The following B3GALT1 variants were observed in gnomAD, a reference collection of about 807,000 sequenced individuals.
B3GALT1 encodes the protein UDP-Gal:betaGlcNAc beta 1,3-galactosyltransferase, polypeptide 1.
B3GALT1 carries 10 observed loss-of-function variants against 23.2 expected under a neutral mutation model. That is an observed-to-expected ratio of 0.43 (90% confidence interval 0.27 to 0.73). B3GALT1 has a LOEUF of 0.73. Ranked by LOEUF, B3GALT1 falls within the 30% of genes least tolerant of loss-of-function variation. The probability of loss-of-function intolerance (pLI) is 0.21; values close to 1 mark genes in which losing one functional copy is unlikely to be tolerated. For synonymous variants in B3GALT1, 156 were observed against 141.5 expected, an observed-to-expected ratio of 1.10 and a Z score of -0.73; for missense variants, 299 against 405.4, an observed-to-expected ratio of 0.74 and a Z score of 2.25.
At chr2:167,598,328 T>G (rs1684816254) in intron 2 of B3GALT1, among the ~76,000 whole-genome samples, 1 of 152,112 alleles carries the variant, frequency 6.6e-6, no homozygotes, top group South Asian at 2.1e-4. Flanking sequence ...TATATATACA[T>G]ATTGCATAAT....
intron 1 of B3GALT1, among the ~76,000 whole-genome samples, chr2:167,355,728 G>GT (rs1253850050): frequency 2.0e-5 from 3 of 151,524 alleles, no homozygotes; most frequent in Non-Finnish European, 1.5e-5. Context: ...AATCCATTGT[G>GT]TTTTTTTTAG....
chr2:167,566,941 A>G (rs1056493407), intron 2 of B3GALT1, among the ~76,000 whole-genome samples: 3 of 152,182 alleles, frequency 2.0e-5, no homozygotes, highest in South Asian at 2.1e-4. Flanking sequence ...TCCCCCGGGT[A>G]TTTATTAAGG....
At chr2:167,456,154 C>T (rs1258806116) in intron 1 of B3GALT1, among the ~76,000 whole-genome samples, 1 of 152,152 alleles carries the variant, frequency 6.6e-6, no homozygotes, top group Non-Finnish European at 1.5e-5. Flanking sequence ...GCATCTGCTT[C>T]TGGTGAGGGC....
rs542959390 is a variant in B3GALT1, at chr2:167,704,017, T to C, written c.-352+57051T>C. 2.4e-4 allele frequency among the ~76,000 whole-genome samples: 37 copies of C among 151,796 alleles called. 1 individual carries two copies. In the East Asian group the frequency reaches 7.0e-3, roughly 29 times the overall value. ...TAACACGGTGAAACCCCGTCTCTAC[T>C]AAAAATACAAAAAATTAGCCGGGTG... is the stretch of plus-strand genomic sequence containing the variant. On this transcript the variant is annotated intron_variant, in intron 3 of 4. Coordinates refer to ENST00000392690, the MANE Select transcript of B3GALT1 (RefSeq NM_020981.4).
chr2:167,638,360 C>A (rs1249764826), intron 2 of B3GALT1, among the ~76,000 whole-genome samples: 1 of 152,050 alleles, frequency 6.6e-6, no homozygotes, highest in Non-Finnish European at 1.5e-5. Context: ...AATGATATGA[C>A]ATTGTATGAA....
intron 3 of B3GALT1, among the ~76,000 whole-genome samples, chr2:167,682,206 T>C (rs1446201138): frequency 6.6e-6 from 1 of 152,188 alleles, no homozygotes; most frequent in African/African-American, 2.4e-5. Context: ...TACTGTCTTT[T>C]TTTGTTTGAT....
At chr2:167,811,443 G>A (rs1005148122) in intron 3 of B3GALT1, among the ~76,000 whole-genome samples, 2 of 152,184 alleles carry the variant, frequency 1.3e-5, no homozygotes, top group African/African-American at 2.4e-5. Context: ...GAAGTAACAG[G>A]TGTGCATTTT....
chr2:167,673,113 A>T (rs1282758209), intron 3 of B3GALT1, among the ~76,000 whole-genome samples: 2 of 152,098 alleles, frequency 1.3e-5, no homozygotes, highest in Non-Finnish European at 1.5e-5. Context: ...TGTGATTCCT[A>T]TGATAAGGCA....
intron 1 of B3GALT1, among the ~76,000 whole-genome samples, chr2:167,384,238 C>T (rs1161200118): frequency 3.3e-5 from 5 of 152,084 alleles, no homozygotes; most frequent in Non-Finnish European, 7.4e-5. Context: ...TAAAATGGTG[C>T]TGTCTAATTA....
intron 2 of B3GALT1, among the ~76,000 whole-genome samples, chr2:167,614,021 T>G (rs1333449353): frequency 6.6e-6 from 1 of 151,762 alleles, no homozygotes; most frequent in Non-Finnish European, 1.5e-5. Context: ...TACTCTCGTT[T>G]AATATTTTTC....
chr2:167,345,448 CAA>C (rs1697212495), intron 1 of B3GALT1, among the ~76,000 whole-genome samples: 2 of 152,004 alleles, frequency 1.3e-5, no homozygotes, highest in Non-Finnish European at 2.9e-5. Flanking sequence ...GACCCCTACT[CAA>C]GATAGGATTT....
At chr2:167,537,281 G>A (rs191326494) in intron 2 of B3GALT1, among the ~76,000 whole-genome samples, 7 of 152,090 alleles carry the variant, frequency 4.6e-5, no homozygotes, top group South Asian at 2.1e-4. Flanking sequence ...GGAAACCACC[G>A]TATGATTCAT....
At chr2:167,601,538 C>T (rs191677364) in intron 2 of B3GALT1, among the ~76,000 whole-genome samples, 142 of 152,268 alleles carry the variant, frequency 9.3e-4, no homozygotes, top group Non-Finnish European at 1.6e-3. Flanking sequence ...ATGAACAAAC[C>T]TTCCACTGTT....
At chr2:167,548,643 A>C (rs75915214) in intron 2 of B3GALT1, among the ~76,000 whole-genome samples, 2 of 150,842 alleles carry the variant, frequency 1.3e-5, no homozygotes, top group Non-Finnish European at 2.9e-5. Context: ...CACTGAGCAG[A>C]TGCCATACCA....
At chr2:167,690,402 CAAAT>C (rs1686691954) in intron 3 of B3GALT1, among the ~76,000 whole-genome samples, 1 of 151,590 alleles carries the variant, frequency 6.6e-6, no homozygotes, top group Non-Finnish European at 1.5e-5. Flanking sequence ...TAACATTTAA[CAAAT>C]AATTTTTAAA....
intron 2 of B3GALT1, among the ~76,000 whole-genome samples, chr2:167,537,170 A>T (rs1683443503): frequency 6.6e-6 from 1 of 152,112 alleles, no homozygotes; most frequent in Admixed American, 6.6e-5. Flanking sequence ...GTCAGGTCTT[A>T]CCTGATGGCA....
At chr2:167,440,494 T>C (rs1698863816) in intron 1 of B3GALT1, among the ~76,000 whole-genome samples, 1 of 152,128 alleles carries the variant, frequency 6.6e-6, no homozygotes, top group Admixed American at 6.5e-5. Context: ...CCTCATGCCT[T>C]ATAGAGATTG....
At chr2:167,580,790 G>A (rs1055158172) in intron 2 of B3GALT1, among the ~76,000 whole-genome samples, 4 of 152,164 alleles carry the variant, frequency 2.6e-5, no homozygotes, top group Admixed American at 6.5e-5. Context: ...TACACTACTG[G>A]TCTCCAGTGA....
intron 4 of B3GALT1, among the ~76,000 whole-genome samples, chr2:167,851,672 A>G (rs1475258450): frequency 6.6e-6 from 1 of 152,234 alleles, no homozygotes; most frequent in African/African-American, 2.4e-5. Context: ...CTTCTTTCAG[A>G]ACTCCATGAA....
Sources: allele counts gnomAD v4.1 joint callset (sites outside exome capture counted in the v4.1 genomes callset), GRCh38; gene constraint gnomAD v4.1.1; transcripts MANE v1.5; gene names NCBI Gene and HGNC (gene_info 2026-07-23, HGNC 2026-07-21).